Variants in TLE2 observed in about 807,000 individuals in gnomAD.
TLE2 encodes TLE family member 2, transcriptional corepressor, also known as transducin-like enhancer protein 2.
A neutral mutation model predicts 97.2 loss-of-function variants in TLE2; 74 were observed. That is an observed-to-expected ratio of 0.76 (90% CI 0.63 to 0.92). The LOEUF (loss-of-function observed/expected upper bound fraction) is 0.92. Among genes scored for constraint, TLE2 ranks in the 40% least tolerant of loss-of-function variants. The pLI, the probability that TLE2 is intolerant of heterozygous loss-of-function variation, is 0.00. For missense variants in TLE2, 1,038 were observed against 1,008.7 expected, an observed-to-expected ratio of 1.03 and a Z score of -0.39; for synonymous variants, 499 against 432.1, an observed-to-expected ratio of 1.15 and a Z score of -1.92.
intron 4 of TLE2, 35 bp from the exon 5 acceptor site, chr19:3,025,117 G>T (rs1323252140): frequency 6.3e-7 from 1 of 1,577,936 alleles, no homozygotes; most frequent in East Asian, 2.3e-5. Context: ...CTTGGAGCGG[G>T]GTAGAGATTT....
intron 12 of TLE2, 121 bp downstream of exon 12, chr19:3,010,901 A>G: frequency 7.4e-7 from 1 of 1,357,094 alleles, no homozygotes; most frequent in Non-Finnish European, 9.8e-7. Context: ...AGTCACAAAA[A>G]GGACCAAGGC....
intron 2 of TLE2, 51 bp downstream of exon 2, chr19:3,028,655 C>T: frequency 6.2e-7 from 1 of 1,602,994 alleles, no homozygotes; most frequent in Non-Finnish European, 8.5e-7. Flanking sequence ...GGCCTCGCCC[C>T]GCCCCGGCGC....
intron 1 of TLE2, among the ~76,000 whole-genome samples, chr19:3,038,917 C>T (rs1035532071): frequency 6.6e-6 from 1 of 152,168 alleles, no homozygotes; most frequent in East Asian, 1.9e-4. Flanking sequence ...GTGGCGCATG[C>T]CTGTAATCCC....
chr19:3,032,795 G>A (rs1225842044), upstream of TLE2, among the ~76,000 whole-genome samples: 1 of 152,132 alleles, frequency 6.6e-6, no homozygotes, highest in African/African-American at 2.4e-5. The surrounding 1 kb of genome is among the most constrained non-coding windows in gnomAD (Gnocchi z 4.1). Context: ...GGGGGTCTGT[G>A]AAGTGCTGAT....
chr19:3,042,264 G>A lies in TLE2; in HGVS notation c.63+3462C>T, dbSNP rs1280953653. On this transcript the variant is annotated intron_variant, in intron 1 of 18. Transcript: ENST00000426948. ...GAGAGGAGGAGGCCCCCGGGTGGAG[G>A]GGACCCTGTGGAGGGGCAGGGAGGA... Among the ~76,000 whole-genome samples, 49 of 124,540 alleles carry A rather than the reference G, an allele frequency of 3.9e-4. 1 individual carries two copies. Among genetic ancestry groups the A allele is most frequent in the Admixed American group, 1.1e-3 (14 of 12,592 alleles). The allele number at this position is 124,540 out of a possible 152,430, so 81.7% of individuals were successfully genotyped here. A position where few individuals can be genotyped will look rare whatever the true frequency, so the allele number is the denominator to read the frequency against.
At chr19:3,004,419 C>T (rs1298841737) in intron 17 of TLE2, among the ~76,000 whole-genome samples, 1 of 151,884 alleles carries the variant, frequency 6.6e-6, no homozygotes, top group East Asian at 1.9e-4. Context: ...AGGTGGATCA[C>T]TTGAGGCCAG....
intron 1 of TLE2, among the ~76,000 whole-genome samples, chr19:3,040,131 A>T (rs186061898): frequency 6.6e-6 from 1 of 152,186 alleles, no homozygotes; most frequent in East Asian, 1.9e-4. Context: ...CCCATCACCC[A>T]CACCACGTGT....
chr19:3,019,136 G>A lies in TLE2; in HGVS notation c.550+147C>T, dbSNP rs1035818782. ...TGGTCATGAACTCCTGGGCTCAAGC[G>A]ATCCTCCCGCCTCGGCCTCCCAAAT... On this transcript the variant is annotated intron_variant, in intron 7 of 19. Transcript: ENST00000262953. This position sits in a 1 kb window ranked among gnomAD's most constrained non-coding sequence, Gnocchi z 5.1. 6.9e-5 allele frequency: 83 copies of A among 1,205,726 alleles called. No homozygotes were observed. Among genetic ancestry groups the A allele is most frequent in the South Asian group, 9.1e-5 (6 of 66,208 alleles). The allele number at this position is 1,205,726 out of a possible 1,614,324, so 74.7% of individuals were successfully genotyped here. A position where few individuals can be genotyped will look rare whatever the true frequency, so the allele number is the denominator to read the frequency against.
At chr19:3,039,005 T>C (rs966089798) in intron 1 of TLE2, among the ~76,000 whole-genome samples, 1 of 150,318 alleles carries the variant, frequency 6.7e-6, no homozygotes, top group African/African-American at 2.5e-5. Flanking sequence ...ATCGCACCAT[T>C]GCACTCCAGC....
chr19:3,013,621 C>A (rs767026074), intron 11 of TLE2, 48 bp downstream of exon 11: 5 of 1,332,526 alleles, frequency 3.8e-6, no homozygotes, highest in Admixed American at 3.1e-5. Flanking sequence ...TGCTTCGGGG[C>A]CCCCGGGATG....
At chr19:3,045,698 G>A (rs1475530271) in intron 1 of TLE2, 1 of 431,210 alleles carries the variant, frequency 2.3e-6, no homozygotes, top group Admixed American at 2.5e-5. Flanking sequence ...AGGTGTGGTG[G>A]CGGGCGCCTG....
chr19:3,005,770 T>A lies in TLE2; in HGVS notation c.1699A>T (p.Ser567Cys). 2.5e-6 allele frequency: 4 copies of A among 1,613,922 alleles called. No homozygotes were observed. The highest frequency in any genetic ancestry group is 3.4e-6 in the Non-Finnish European group (4 of 1,179,850). ...PDAKVCFSCC[S>C]DGNIVVWDLQ... ...TCCCAGACCACAATGTTGCCATCGCTGCAGCAGGAGAAGCAAACCTTGGCG... is the reference window on the plus strand; with the variant it reads ...TCCCAGACCACAATGTTGCCATCGCAGCAGCAGGAGAAGCAAACCTTGGCG... Residue 567 changes from serine to cysteine, a missense_variant, in exon 16 of 20, where the codon AGC becomes TGC. Transcript: ENST00000262953.
At chr19:3,042,619 C>T (rs2090113285) in intron 1 of TLE2, among the ~76,000 whole-genome samples, 1 of 151,388 alleles carries the variant, frequency 6.6e-6, no homozygotes, top group Non-Finnish European at 1.5e-5. Context: ...CCATCAGAGA[C>T]CCCCGAGACA....
chr19:3,028,939 G>C lies in TLE2; in HGVS notation c.-35C>G. ...CCGAAAAGCCCCCCAGGCGCCACCA[G>C]AGCTTGATGATATGGAGGCGGCAAG... On this transcript the variant is annotated 5_prime_UTR_variant, in exon 1 of 20. Transcript: ENST00000262953. 3 of 1,603,886 alleles carry C rather than the reference G, an allele frequency of 1.9e-6. No individual in the cohort carries two copies. Among genetic ancestry groups the C allele is most frequent in the Non-Finnish European group, 2.6e-6 (3 of 1,176,342 alleles).
chr19:3,002,419 T>C lies in TLE2; in HGVS notation c.1981A>G (p.Lys661Glu). Residue 661 changes from lysine to glutamate, a missense_variant, in exon 18 of 20, where the codon AAG (lysine) becomes GAG (glutamate). Coordinates refer to ENST00000262953, the MANE Select transcript of TLE2 (RefSeq NM_003260.5). ...AGGTGCAGCTGGTATTTCTCCGGCTTGCGGACGTGCAGGATCTCCACGTTG... is the reference window on the plus strand; with the variant it reads ...AGGTGCAGCTGGTATTTCTCCGGCTCGCGGACGTGCAGGATCTCCACGTTG... ...SSNVEILHVR[K>E]PEKYQLHLHE... is the part of the protein sequence containing the mutation. 6.2e-7 allele frequency: 1 copy of C among 1,613,590 alleles called. No individual in the cohort carries two copies.
At chr19:2,998,666 G>A (rs1257703591) in intron 19 of TLE2, among the ~76,000 whole-genome samples, 1 of 152,178 alleles carries the variant, frequency 6.6e-6, no homozygotes, top group Admixed American at 6.6e-5. Context: ...CACCGCCTAG[G>A]CCTCCCAAAG....
chr19:3,009,497 C>G, intron 13 of TLE2, 45 bp downstream of exon 13: 1 of 1,547,250 alleles, frequency 6.5e-7, no homozygotes, highest in Non-Finnish European at 8.7e-7. Flanking sequence ...GCCCCCAGCC[C>G]CTGGGCCCTG....
chr19:3,039,225 CAAAAAA>C (rs1198237452), intron 1 of TLE2, among the ~76,000 whole-genome samples: 1 of 103,864 alleles, frequency 9.6e-6, no homozygotes, highest in Non-Finnish European at 2.0e-5. Context: ...TTCCCCACTC[CAAAAAA>C]AAAAAAAAAA....
At chr19:3,006,000 G>T in intron 15 of TLE2, 32 bp from the exon 16 acceptor site, 1 of 1,608,360 alleles carries the variant, frequency 6.2e-7, no homozygotes, top group Non-Finnish European at 8.5e-7. Context: ...GGGGCTGGGG[G>T]TTGGTCCCAG....
Sources: allele counts gnomAD v4.1 joint callset (sites outside exome capture counted in the v4.1 genomes callset), GRCh38; gene constraint gnomAD v4.1.1; non-coding constraint Gnocchi (gnomAD v3.1); transcripts MANE v1.5; gene names NCBI Gene and HGNC (gene_info 2026-07-23, HGNC 2026-07-21).